SYN2: variants seen among roughly 807,000 people sequenced by gnomAD.
SYN2 encodes the protein synapsin-2.
Under a neutral mutation model 50.9 loss-of-function variants are expected in SYN2, and 19 were observed. That is an observed-to-expected ratio of 0.37 (90% confidence interval 0.26 to 0.55). SYN2 has a LOEUF of 0.55. SYN2 is among the 20% of genes least tolerant of loss of function. SYN2 has a pLI of 0.81. For missense variants in SYN2, 587 were observed against 576.4 expected (o/e 1.02, Z -0.19); for synonymous variants, 255 against 224.9 (o/e 1.13, Z -1.20).
In SYN2 at chr3:12,169,869, T is replaced by C. The variant is rs2125243896; in HGVS notation, c.1271T>C (p.Leu424Pro). The C allele has an allele frequency of 6.2e-7, 1 of 1,612,770 alleles. No homozygotes were observed. The highest frequency in any genetic ancestry group is 2.2e-5 in the East Asian group (1 of 44,842). The change falls in exon 10 of 13, where the codon CTG becomes CCG. Residue 424 changes from leucine to proline, a missense_variant. Coordinates refer to ENST00000621198, the MANE Select transcript of SYN2 (RefSeq NM_133625.6). The stretch of plus-strand genomic sequence containing the variant: ...CAGCTGCTGTCCAGGACTCCTGCCC[T>C]GTCTCCTCAGAGACCCCTAACAACC... ...MNQLLSRTPA[L>P]SPQRPLTTQQ...
intron 1 of SYN2, among the ~76,000 whole-genome samples, chr3:12,086,360 G>A (rs542598856): frequency 8.5e-5 from 13 of 152,144 alleles, no homozygotes; most frequent in South Asian, 4.1e-4. Context: ...TTCCAAACTC[G>A]TTTTACAAGA....
intron 1 of SYN2, among the ~76,000 whole-genome samples, chr3:12,134,963 C>T (rs1403341046): frequency 2.0e-5 from 3 of 152,192 alleles, no homozygotes; most frequent in African/African-American, 7.2e-5. Flanking sequence ...ACTGGATGCT[C>T]AGTAAATTTT....
intron 1 of SYN2, among the ~76,000 whole-genome samples, chr3:12,067,212 C>G (rs968235418): frequency 6.6e-6 from 1 of 151,922 alleles, no homozygotes; most frequent in Non-Finnish European, 1.5e-5. Flanking sequence ...GGAGAAAAGA[C>G]AAATGCAGAT....
chr3:12,045,165 T>G (rs977651100), intron 1 of SYN2, among the ~76,000 whole-genome samples: 1 of 152,176 alleles, frequency 6.6e-6, no homozygotes, highest in Non-Finnish European at 1.5e-5. Context: ...GCTGTACATG[T>G]GGTATACCAT....
At chr3:12,139,463 G>A (rs1330812866) in intron 1 of SYN2, among the ~76,000 whole-genome samples, 1 of 152,144 alleles carries the variant, frequency 6.6e-6, no homozygotes, top group Non-Finnish European at 1.5e-5. Context: ...TGGTCTCAGA[G>A]TGCCACAGAC....
At chr3:12,128,283 G>A (rs1012801110) in intron 1 of SYN2, among the ~76,000 whole-genome samples, 1 of 152,092 alleles carries the variant, frequency 6.6e-6, no homozygotes, top group Non-Finnish European at 1.5e-5. Flanking sequence ...TCTCACAAGC[G>A]CTCTGAGTGG....
chr3:12,175,978 A>G (rs1363889706), intron 10 of SYN2, among the ~76,000 whole-genome samples: 1 of 152,176 alleles, frequency 6.6e-6, no homozygotes, highest in Non-Finnish European at 1.5e-5. Flanking sequence ...CAGCAGCAGC[A>G]ACTGACCCTC....
In SYN2 at chr3:12,103,744, T is replaced by G. The variant is rs35929545; in HGVS notation, c.378-36907T>G. Among the ~76,000 whole-genome samples the G allele has an allele frequency of 9.3e-3, 1,420 of 152,214 alleles. 15 individuals carry two copies. The highest frequency in any genetic ancestry group is 0.013 in the Non-Finnish European group (883 of 68,018). ...AACCCCTGAAAGAAAAGAAATAGCA[T>G]GTATAAAACTTCCAAATCAGTCCAA... is the stretch of plus-strand genomic sequence containing the variant. On this transcript the variant is annotated intron_variant, in intron 1 of 12. Transcript: ENST00000621198.
At chr3:12,051,334 G>T (rs955275888) in intron 1 of SYN2, among the ~76,000 whole-genome samples, 26 of 144,542 alleles carry the variant, frequency 1.8e-4, no homozygotes, top group African/African-American at 5.6e-4. Flanking sequence ...TTTTTTTTTT[G>T]AAATGTAAAG....
intron 1 of SYN2, among the ~76,000 whole-genome samples, chr3:12,120,949 C>T (rs1285549163): frequency 6.6e-6 from 1 of 152,204 alleles, no homozygotes; most frequent in Non-Finnish European, 1.5e-5. Flanking sequence ...CAACCTTGCG[C>T]AATCCCCCTC....
intron 3 of SYN2, 65 bp downstream of exon 3, chr3:12,142,061 G>A (rs1203039021): frequency 5.2e-6 from 4 of 771,228 alleles, no homozygotes; most frequent in Non-Finnish European, 9.7e-6. Context: ...CTGGCCCAAA[G>A]AGGTGGTTTC....
At chr3:12,178,751 T>C (rs1469045390) in intron 10 of SYN2, among the ~76,000 whole-genome samples, 2 of 152,226 alleles carry the variant, frequency 1.3e-5, no homozygotes, top group Admixed American at 6.5e-5. Flanking sequence ...TTACATTGCC[T>C]AACACTTTAC....
intron 1 of SYN2, among the ~76,000 whole-genome samples, 176 bp downstream of exon 1, chr3:12,005,104 G>T (rs1299877008): frequency 2.6e-5 from 4 of 152,090 alleles, no homozygotes; most frequent in Non-Finnish European, 5.9e-5. Flanking sequence ...GGTGAGGGAG[G>T]GCATCCATCA....
At chr3:12,072,600 T>C (rs1695381462) in intron 1 of SYN2, among the ~76,000 whole-genome samples, 1 of 152,208 alleles carries the variant, frequency 6.6e-6, no homozygotes, top group African/African-American at 2.4e-5. Context: ...CATTGACTTG[T>C]CTTGGTACCC....
At chr3:12,135,874 T>G (rs1327835289) in intron 1 of SYN2, among the ~76,000 whole-genome samples, 1 of 152,210 alleles carries the variant, frequency 6.6e-6, no homozygotes, top group Non-Finnish European at 1.5e-5. Context: ...ATTTGGAAAT[T>G]TATGGATATA....
At chr3:12,046,459 C>A (rs1559397964) in intron 1 of SYN2, among the ~76,000 whole-genome samples, 1 of 152,190 alleles carries the variant, frequency 6.6e-6, no homozygotes, top group Non-Finnish European at 1.5e-5. Context: ...GAGGTTCATG[C>A]AGAGGCTTAT....
At chr3:12,065,623 C>G (rs1695199676) in intron 1 of SYN2, among the ~76,000 whole-genome samples, 1 of 152,116 alleles carries the variant, frequency 6.6e-6, no homozygotes, top group Non-Finnish European at 1.5e-5. Flanking sequence ...ACTGCATGTT[C>G]TCACTTAACA....
intron 5 of SYN2, chr3:12,153,625 C>G: frequency 6.2e-7 from 1 of 1,614,182 alleles, no homozygotes; most frequent in Non-Finnish European, 8.5e-7. Flanking sequence ...GCCTGGTAAC[C>G]ATAGAGCTTT....
chr3:12,156,911 G>C (rs370491983), intron 5 of SYN2: 17 of 1,613,962 alleles, frequency 1.1e-5, no homozygotes, highest in Non-Finnish European at 1.4e-5. Context: ...GAACATCCTT[G>C]ACTTTCTCAA....
Sources: allele counts gnomAD v4.1 joint callset (sites outside exome capture counted in the v4.1 genomes callset), GRCh38; gene constraint gnomAD v4.1.1; transcripts MANE v1.5; gene names NCBI Gene and HGNC (gene_info 2026-07-23, HGNC 2026-07-21).